IL1RAPL2: variants seen among roughly 807,000 people sequenced by gnomAD.
IL1RAPL2 encodes X-linked interleukin-1 receptor accessory protein-like 2.
Under a neutral mutation model 44.1 loss-of-function variants are expected in IL1RAPL2, and 3 were observed. The ratio of observed to expected loss-of-function variants is 0.07; its 90% CI spans 0.03 to 0.18. The LOEUF is 0.18. Among genes scored for constraint, IL1RAPL2 ranks in the 10% least tolerant of loss-of-function variants. IL1RAPL2 has a pLI of 1.00. For synonymous variants in IL1RAPL2, 181 were observed against 178.8 expected, an observed-to-expected ratio of 1.01 and a Z score of -0.10; for missense variants, 391 against 496.4, an observed-to-expected ratio of 0.79 and a Z score of 2.02.
chrX:105,108,494 A>ATTTT lies in IL1RAPL2; in HGVS notation c.83-86965_83-86962dup, dbSNP rs71816209. On this transcript the variant is annotated intron_variant, in intron 2 of 10. Transcript: ENST00000372582. ...TACAGGCCTGTGCTACCATGCCCGG[A>ATTTT]TTTTTTTTTTTTTTTTTTTGTATTT... Among the ~76,000 whole-genome samples the ATTTT allele has an allele frequency of 7.4e-3, 544 of 73,570 alleles. 10 individuals carry two copies. Among genetic ancestry groups the ATTTT allele is most frequent in the South Asian group, 0.011 (12 of 1,105 alleles). The allele number at this position is 73,570 out of a possible 115,157, so 63.9% of individuals were successfully genotyped here.
At chrX:105,752,134 C>T (rs1055223055) in intron 9 of IL1RAPL2, among the ~76,000 whole-genome samples, 1 of 111,702 alleles carries the variant, frequency 9.0e-6, no homozygotes, top group Non-Finnish European at 1.9e-5. Context: ...ATTTAAGTGT[C>T]TACTAAATGG....
chrX:104,721,022 AG>A (rs1406576514), intron 2 of IL1RAPL2, among the ~76,000 whole-genome samples: 2 of 111,416 alleles, frequency 1.8e-5, no homozygotes, highest in Non-Finnish European at 3.8e-5. Context: ...TAAAAAGTCA[AG>A]AAACAACAGA....
At chrX:104,739,057 A>T (rs889671083) in intron 2 of IL1RAPL2, among the ~76,000 whole-genome samples, 1 of 111,634 alleles carries the variant, frequency 9.0e-6, no homozygotes, top group Non-Finnish European at 1.9e-5. Flanking sequence ...GGGAGCAATG[A>T]TATAACCAAG....
intron 2 of IL1RAPL2, among the ~76,000 whole-genome samples, chrX:105,020,201 T>C (rs997886967): frequency 1.8e-5 from 2 of 110,522 alleles, no homozygotes; most frequent in Non-Finnish European, 3.8e-5. Flanking sequence ...CCTAGGCTAG[T>C]CTTGAACTCC....
chrX:104,658,090 A>C (rs1930307448), intron 1 of IL1RAPL2, among the ~76,000 whole-genome samples: 7 of 111,914 alleles, frequency 6.3e-5, no homozygotes, highest in Admixed American at 4.7e-4. Context: ...CTAGAAATAG[A>C]ATTTGACCCA....
intron 2 of IL1RAPL2, among the ~76,000 whole-genome samples, chrX:105,108,494 A>ATT (rs71816209): frequency 0.19 from 14,290 of 73,549 alleles, 2,357 homozygotes; most frequent in African/African-American, 0.45. Context: ...CCATGCCCGG[A>ATT]TTTTTTTTTT....
chrX:104,772,244 C>A (rs1297991084), intron 2 of IL1RAPL2, among the ~76,000 whole-genome samples: 1 of 112,175 alleles, frequency 8.9e-6, no homozygotes, highest in Non-Finnish European at 1.9e-5. Flanking sequence ...TTAATTGTTG[C>A]AATTAGTAGC....
In IL1RAPL2 at chrX:105,669,792, T is replaced by G. The variant is rs1164783462; in HGVS notation, c.773-47575T>G. 2.4e-4 allele frequency among the ~76,000 whole-genome samples: 26 copies of G among 110,041 alleles called. No homozygotes were observed. The Admixed American group carries it at 2.6e-3, about 11-fold the overall frequency. Reference sequence around the variant, plus strand: ...CTCCCACCACTATCCCCTATTTAACTTCTGGCAACCACTAAACTTCTCTCC... The same window carrying G: ...CTCCCACCACTATCCCCTATTTAACGTCTGGCAACCACTAAACTTCTCTCC... On this transcript the variant is annotated intron_variant, in intron 6 of 10. Transcript: ENST00000372582.
intron 2 of IL1RAPL2, among the ~76,000 whole-genome samples, chrX:105,115,990 C>T (rs778878464): frequency 8.8e-6 from 1 of 113,347 alleles, no homozygotes; most frequent in East Asian, 2.8e-4. Context: ...TGTGGGCCAG[C>T]CAGCAGCTCT....
intron 5 of IL1RAPL2, among the ~76,000 whole-genome samples, chrX:105,318,215 C>T (rs929785894): frequency 9.9e-5 from 11 of 110,979 alleles, no homozygotes; most frequent in Non-Finnish European, 2.1e-4. Context: ...CCTCGTGATC[C>T]GCCCACCTCG....
At chrX:105,529,887 T>C (rs1490426318) in intron 6 of IL1RAPL2, among the ~76,000 whole-genome samples, 1 of 112,233 alleles carries the variant, frequency 8.9e-6, no homozygotes, top group Non-Finnish European at 1.9e-5. Flanking sequence ...GTGTGAGAAT[T>C]TCCTTCCCTT....
intron 2 of IL1RAPL2, among the ~76,000 whole-genome samples, chrX:104,755,546 A>C (rs763020592): frequency 9.0e-6 from 1 of 110,642 alleles, no homozygotes; most frequent in Non-Finnish European, 1.9e-5. Flanking sequence ...TTTTTGAGAA[A>C]TGTGAACCTA....
chrX:105,060,585 CTTTTTTT>C lies in IL1RAPL2; in HGVS notation c.83-134878_83-134872del, dbSNP rs1161187469. On this transcript the variant is annotated intron_variant, in intron 2 of 10. Transcript: ENST00000372582. ...TCTTTTTTCTATTCTTTTTCTTTTT[CTTTTTTT>C]TTTTTTTTTTTGATATGTCTTTGAC... Among the ~76,000 whole-genome samples, 6 of 70,149 alleles carry C rather than the reference CTTTTTTT, an allele frequency of 8.6e-5. No individual in the cohort carries two copies. In the South Asian group the frequency reaches 2.6e-3, roughly 30 times the overall value. The allele number at this position is 70,149 out of a possible 115,157, so 60.9% of individuals were successfully genotyped here. A position where few individuals can be genotyped will look rare whatever the true frequency, so the allele number is the denominator to read the frequency against.
rs182948327 is a variant in IL1RAPL2 at position 105,714,634 on chromosome X, C to T, written c.773-2733C>T. Among the ~76,000 whole-genome samples, 9 of 111,903 alleles carry T rather than the reference C, an allele frequency of 8.0e-5. No individual in the cohort carries two copies. The East Asian group carries it at 2.6e-3, about 32-fold the overall frequency. ...CAGAGAGAGGAAATCCAGCTCAACT[C>T]ATCCTTTTCTCAGAAGCCCACTCTC... On this transcript the variant is annotated intron_variant, in intron 6 of 10. Transcript: ENST00000372582.
chrX:105,458,795 A>G (rs1458532070), intron 5 of IL1RAPL2, among the ~76,000 whole-genome samples: 2 of 112,032 alleles, frequency 1.8e-5, no homozygotes, highest in East Asian at 2.8e-4. Flanking sequence ...ACCTGGTCAT[A>G]GAAATCATGC....
chrX:105,363,316 T>TATATATA (rs2035267846), intron 5 of IL1RAPL2, among the ~76,000 whole-genome samples: 1 of 89,233 alleles, frequency 1.1e-5, no homozygotes, highest in East Asian at 3.2e-4. Flanking sequence ...ATAATATATA[T>TATATATA]ATATATATAT....
At chrX:104,570,744 G>C (rs1275426859) in intron 1 of IL1RAPL2, among the ~76,000 whole-genome samples, 1 of 111,706 alleles carries the variant, frequency 9.0e-6, no homozygotes, top group Admixed American at 9.5e-5. Context: ...CATATTCCCT[G>C]TGCCAAGAAG....
chrX:104,921,073 G>A (rs1489730106), intron 2 of IL1RAPL2, among the ~76,000 whole-genome samples: 1 of 111,569 alleles, frequency 9.0e-6, no homozygotes, highest in Non-Finnish European at 1.9e-5. Flanking sequence ...TCCCACTGTG[G>A]ATCTCTGAGT....
At chrX:105,723,836 A>G (rs1461237165) in intron 7 of IL1RAPL2, among the ~76,000 whole-genome samples, 1 of 111,152 alleles carries the variant, frequency 9.0e-6, no homozygotes, top group East Asian at 2.9e-4. Flanking sequence ...TGATTTAATC[A>G]CTTCTCAAAG....
Sources: gnomAD v4.1 joint callset for allele counts (sites outside exome capture counted in the v4.1 genomes callset) on GRCh38, gnomAD v4.1.1 for gene constraint, MANE v1.5 for transcripts, NCBI Gene and HGNC (gene_info 2026-07-23, HGNC 2026-07-21) for gene names.